Variants in SLC49A4 observed in about 807,000 individuals in gnomAD.
SLC49A4 encodes solute carrier family 49 member 4, also known as disrupted in renal cancer protein 2.
A neutral mutation model predicts 50.6 loss-of-function variants in SLC49A4; 36 were observed. The observed-to-expected ratio is 0.71, with a 90% CI of 0.55 to 0.94. The LOEUF (loss-of-function observed/expected upper bound fraction) is 0.94. SLC49A4 is among the 40% of genes least tolerant of loss of function. SLC49A4 has a pLI of 0.00. For synonymous variants in SLC49A4, 248 were observed against 241.2 expected (o/e 1.03, Z -0.26); for missense variants, 503 against 605.7 (o/e 0.83, Z 1.78).
intron 5 of SLC49A4, among the ~76,000 whole-genome samples, chr3:122,855,337 A>G (rs552790995): frequency 3.9e-5 from 6 of 152,236 alleles, no homozygotes; most frequent in Non-Finnish European, 8.8e-5. Flanking sequence ...AGAAGTAAGA[A>G]GATAATAAAA....
intron 4 of SLC49A4, among the ~76,000 whole-genome samples, chr3:122,835,657 T>A (rs1936673140): frequency 6.6e-6 from 1 of 152,042 alleles, no homozygotes; most frequent in Non-Finnish European, 1.5e-5. Context: ...TCATACTGAA[T>A]GGGAAAACTT....
Position 122,827,026 on chromosome 3 carries a change from G to T in SLC49A4, c.664G>T (p.Ala222Ser), listed in dbSNP as rs1287793206. 2 of 1,613,940 alleles carry T rather than the reference G, an allele frequency of 1.2e-6. No homozygotes were observed. The highest frequency in any genetic ancestry group is 3.3e-5 in the Admixed American group (2 of 60,016). ...SPLLAAESSR[A>S]HIKDRIEAVL... ...TCTTCTTGCTGCAGAGAGCAGCAGGGCGCATATTAAAGATCGCATAGAGGC... is the reference window on the plus strand; with the variant it reads ...TCTTCTTGCTGCAGAGAGCAGCAGGTCGCATATTAAAGATCGCATAGAGGC... Residue 222 changes from alanine to serine, a missense_variant, in exon 3 of 9, where the codon GCG (alanine) becomes TCG (serine). Physicochemically the swap from Ala to Ser is moderately conservative, Grantham distance 99 (BLOSUM62 1). Transcript: ENST00000261038.
chr3:122,847,473 G>A lies in SLC49A4; in HGVS notation c.942+1602G>A, dbSNP rs1576304902. Among the ~76,000 whole-genome samples, 5 of 150,690 alleles carry A rather than the reference G, an allele frequency of 3.3e-5. No homozygotes were observed. The Admixed American group carries it at 3.3e-4, about 10-fold the overall frequency. On this transcript the variant is annotated intron_variant, in intron 5 of 8. Coordinates refer to ENST00000261038, the MANE Select transcript of SLC49A4 (RefSeq NM_032839.3). The stretch of plus-strand genomic sequence containing the variant: ...CGCCATTCTTCTGCCTCAGCCTCCC[G>A]AGTAGCTGGGACTGCAGGTGCCTCC...
intron 4 of SLC49A4, among the ~76,000 whole-genome samples, chr3:122,843,172 G>A (rs1278089855): frequency 6.6e-6 from 1 of 151,910 alleles, no homozygotes; most frequent in Non-Finnish European, 1.5e-5. Context: ...GCCATATTGT[G>A]CATATCATTC....
intron 8 of SLC49A4, among the ~76,000 whole-genome samples, chr3:122,874,418 A>C (rs1937236430): frequency 6.6e-6 from 1 of 152,198 alleles, no homozygotes; most frequent in Non-Finnish European, 1.5e-5. Context: ...CAGAAGGAAC[A>C]CTTAGCACTA....
chr3:122,831,733 A>G (rs1012283293), intron 3 of SLC49A4, among the ~76,000 whole-genome samples: 2 of 152,098 alleles, frequency 1.3e-5, no homozygotes, highest in African/African-American at 4.8e-5. Flanking sequence ...TGCACTTTAA[A>G]TGTGTGCATT....
At chr3:122,838,994 C>G (rs1215767740) in intron 4 of SLC49A4, among the ~76,000 whole-genome samples, 1 of 152,084 alleles carries the variant, frequency 6.6e-6, no homozygotes, top group Non-Finnish European at 1.5e-5. Flanking sequence ...AATTATACTA[C>G]AAGGGTATAG....
At chr3:122,868,479 A>G (rs971748505) in intron 7 of SLC49A4, among the ~76,000 whole-genome samples, 1 of 152,224 alleles carries the variant, frequency 6.6e-6, no homozygotes. Flanking sequence ...TGAACCCTCT[A>G]TGACAAGCAG....
intron 4 of SLC49A4, among the ~76,000 whole-genome samples, chr3:122,835,015 C>T (rs1188024052): frequency 6.6e-6 from 1 of 151,938 alleles, no homozygotes; most frequent in African/African-American, 2.4e-5. Flanking sequence ...AAATAGAAAC[C>T]CTGAACAGAC....
chr3:122,819,166 G>T (rs1210966549), intron 2 of SLC49A4, among the ~76,000 whole-genome samples: 1 of 147,640 alleles, frequency 6.8e-6, no homozygotes, highest in South Asian at 2.1e-4. Flanking sequence ...GATCACTTGA[G>T]CCCAGAGGTC....
At chr3:122,816,338 T>TA in intron 2 of SLC49A4, among the ~76,000 whole-genome samples, 1 of 152,106 alleles carries the variant, frequency 6.6e-6, no homozygotes. Flanking sequence ...AACCAGCTAA[T>TA]TCTTTATATC....
At chr3:122,830,442 C>G (rs185905190) in intron 3 of SLC49A4, among the ~76,000 whole-genome samples, 1 of 152,178 alleles carries the variant, frequency 6.6e-6, no homozygotes, top group Admixed American at 6.5e-5. Flanking sequence ...TAGCATAGTA[C>G]TGGCATAAGG....
intron 4 of SLC49A4, among the ~76,000 whole-genome samples, chr3:122,838,467 A>C (rs1407598101): frequency 1.3e-5 from 2 of 150,866 alleles, no homozygotes; most frequent in East Asian, 2.0e-4. Flanking sequence ...CAAAAAACCA[A>C]ACACCGCATG....
chr3:122,807,985 C>A (rs1936247317), intron 2 of SLC49A4, among the ~76,000 whole-genome samples: 2 of 152,092 alleles, frequency 1.3e-5, no homozygotes, highest in South Asian at 4.1e-4. Flanking sequence ...AGATTGCTGG[C>A]AGAAGACCTG....
Position 122,795,540 on chromosome 3 carries a change from G to A in SLC49A4, c.343+5G>A, listed in dbSNP as rs747454608. 3.2e-6 allele frequency: 5 copies of A among 1,585,696 alleles called. No homozygotes were observed. The South Asian group carries it at 5.6e-5, about 18-fold the overall frequency. ...TGTGGCTCCTGGACAAGAGAGGTGA[G>A]GGGTCGCGGAGCGCCAGCCCGCGCT... On this transcript the variant is annotated splice_donor_5th_base_variant and intron_variant, in intron 1 of 8. Transcript: ENST00000261038.
At chr3:122,846,111 TA>T (rs1936845621) in intron 5 of SLC49A4, among the ~76,000 whole-genome samples, 1 of 152,194 alleles carries the variant, frequency 6.6e-6, no homozygotes, top group African/African-American at 2.4e-5. Flanking sequence ...ACTGGTTTTT[TA>T]AAAAAGGAAG....
At chr3:122,838,899 A>G (rs1380363973) in intron 4 of SLC49A4, among the ~76,000 whole-genome samples, 4 of 152,130 alleles carry the variant, frequency 2.6e-5, no homozygotes, top group African/African-American at 7.2e-5. Context: ...CCTAAAATTC[A>G]TATGTAACCA....
chr3:122,818,831 C>T (rs751670799), intron 2 of SLC49A4, among the ~76,000 whole-genome samples: 44 of 151,898 alleles, frequency 2.9e-4, no homozygotes, highest in South Asian at 8.3e-4. Flanking sequence ...GTAGTCCCAG[C>T]TACTCAGGAG....
At chr3:122,827,997 A>G (rs1936557450) in intron 3 of SLC49A4, among the ~76,000 whole-genome samples, 1 of 152,230 alleles carries the variant, frequency 6.6e-6, no homozygotes, top group South Asian at 2.1e-4. Flanking sequence ...CAGTATGTCT[A>G]GGGAACTGCA....
Sources: allele counts gnomAD v4.1 joint callset (sites outside exome capture counted in the v4.1 genomes callset), GRCh38; gene constraint gnomAD v4.1.1; transcripts MANE v1.5; gene names NCBI Gene and HGNC (gene_info 2026-07-23, HGNC 2026-07-21).